The following MYO19 variants were observed in gnomAD, a reference collection of about 807,000 sequenced individuals.
MYO19 encodes the protein myosin XIX.
Under a neutral mutation model 129.2 loss-of-function variants are expected in MYO19, and 132 were observed. The observed-to-expected ratio is 1.02, with a 90% CI of 0.89 to 1.18. The LOEUF (loss-of-function observed/expected upper bound fraction) is 1.18, where lower values mean the gene tolerates loss of function less well. Ranked by LOEUF, MYO19 falls within the 50% of genes most tolerant of loss-of-function variation. The pLI is 0.00. For missense variants in MYO19, 1,210 were observed against 1,216.7 expected (o/e 0.99, Z 0.08); for synonymous variants, 531 against 477.2 (o/e 1.11, Z -1.47).
chr17:36,504,139 G>T, intron 19 of MYO19, 119 bp from the exon 20 acceptor site: 1 of 734,814 alleles, frequency 1.4e-6, no homozygotes, highest in Non-Finnish European at 2.1e-6. Context: ...GCTCTCCCAA[G>T]GCTTGGCTAA....
At chr17:36,516,780 C>T (rs1567766495) in intron 6 of MYO19, among the ~76,000 whole-genome samples, 1 of 152,250 alleles carries the variant, frequency 6.6e-6, no homozygotes, top group Non-Finnish European at 1.5e-5. Context: ...ACTGTCTTTA[C>T]ATATTGACCT....
chr17:36,501,313 TC>T (rs1469207187), intron 21 of MYO19, 78 bp from the exon 22 acceptor site: 14 of 1,427,446 alleles, frequency 9.8e-6, no homozygotes, highest in Admixed American at 2.1e-5. Flanking sequence ...GGCTTTGGCC[TC>T]CCTAGCACTC....
In MYO19 at chr17:36,507,407, T is replaced by C. The variant is rs777722571; in HGVS notation, c.1459A>G (p.Ile487Val). Residue 487 changes from isoleucine to valine, a missense_variant, in exon 16 of 26, where the codon ATA (isoleucine) becomes GTA (valine). Coordinates refer to ENST00000614623, the MANE Select transcript of MYO19 (RefSeq NM_001163735.2). ...EGSPISICSL[I>V]NEECRLNRPS... The stretch of plus-strand genomic sequence containing the variant: ...TTAGCTGACCTCCCCACCTCATTTA[T>C]GAGGGAGCAGATGCTGATGGGGCTT... 14 of 1,613,306 alleles carry C rather than the reference T, an allele frequency of 8.7e-6. No individual in the cohort carries two copies. The highest frequency in any genetic ancestry group is 2.2e-5 in the South Asian group (2 of 91,068).
upstream of MYO19, chr17:36,538,305 A>C: frequency 6.2e-7 from 1 of 1,613,550 alleles, no homozygotes; most frequent in African/African-American, 1.3e-5. Flanking sequence ...CAAATTTCTA[A>C]TTAAAGGAGC....
At chr17:36,498,130 G>T in intron 25 of MYO19, 136 bp downstream of exon 25, 1 of 883,236 alleles carries the variant, frequency 1.1e-6, no homozygotes, top group African/African-American at 1.7e-5. Flanking sequence ...ATTGGGACAT[G>T]CAGCCCTCTG....
upstream of MYO19, chr17:36,537,323 T>C (rs1161394776): frequency 8.1e-6 from 13 of 1,614,062 alleles, no homozygotes; most frequent in East Asian, 2.2e-5. Context: ...CTTTGACCAT[T>C]TGGGCTTCAT....
At chr17:36,537,669 T>C, upstream of MYO19, 1 of 1,614,150 alleles carries the variant, frequency 6.2e-7, no homozygotes, top group Non-Finnish European at 8.5e-7. Flanking sequence ...GAGGAGAAAA[T>C]ATATGGAAGG....
intron 3 of MYO19, among the ~76,000 whole-genome samples, chr17:36,531,120 C>T (rs2073809759): frequency 6.6e-6 from 1 of 151,386 alleles, no homozygotes; most frequent in Non-Finnish European, 1.5e-5. Context: ...GGAGGCTGGG[C>T]GCGGTGGCTC....
intron 6 of MYO19, 76 bp downstream of exon 6, chr17:36,525,152 G>C: frequency 9.3e-7 from 1 of 1,079,346 alleles, no homozygotes; most frequent in Non-Finnish European, 1.4e-6. Context: ...CCACAAGGAA[G>C]GCCAAGGAAT....
chr17:36,511,277 A>C (rs770865188), intron 12 of MYO19, 88 bp downstream of exon 12: 4 of 1,425,668 alleles, frequency 2.8e-6, no homozygotes, highest in Non-Finnish European at 3.9e-6. Context: ...TCAGATTCCA[A>C]TTTTCACCAT....
At position 36,495,915 on chromosome 17, in the gene MYO19, A is replaced by T. The variant is rs1006868975; in HGVS notation, c.*336T>A. 8.6e-7 allele frequency: 1 copy of T among 1,168,592 alleles called. No homozygotes were observed. Among genetic ancestry groups the T allele is most frequent in the South Asian group, 4.3e-5 (1 of 23,326 alleles). The allele number at this position is 1,168,592 out of a possible 1,614,324, so 72.4% of individuals were successfully genotyped here. A position where few individuals can be genotyped will look rare whatever the true frequency, so the allele number is the denominator to read the frequency against. The stretch of plus-strand genomic sequence containing the variant: ...GGCCAACTTTGGCTGTTTTCTTCCA[A>T]AAGTGCTTATGTGGAATTGGGATCC... On this transcript the variant is annotated 3_prime_UTR_variant, in exon 26 of 26. Coordinates refer to ENST00000614623, the MANE Select transcript of MYO19 (RefSeq NM_001163735.2).
intron 14 of MYO19, chr17:36,508,285 G>A (rs1267556658): frequency 3.9e-5 from 7 of 181,600 alleles, no homozygotes; most frequent in Non-Finnish European, 4.6e-5. Flanking sequence ...AATCTAGTTC[G>A]GAGGGCATTA....
rs752393309 is a variant in MYO19, at chr17:36,528,098, G to T, written c.117C>A (p.Asp39Glu). Residue 39 changes from aspartate to glutamate, a missense_variant, in exon 4 of 26, where the codon GAC (aspartate) becomes GAA (glutamate). Coordinates refer to ENST00000614623, the MANE Select transcript of MYO19 (RefSeq NM_001163735.2). ...GGEVLLYKLDDLTRVNPVTLE... is the reference protein window; with the variant it reads ...GGEVLLYKLDELTRVNPVTLE... ...GTGTCACAGGATTCACCCTGGTGAG[G>T]TCATCCAGTTTGTACAGCAGGACCT... The T allele has an allele frequency of 2.5e-6, 4 of 1,613,850 alleles. No individual in the cohort carries two copies. The highest frequency in any genetic ancestry group is 2.2e-5 in the South Asian group (2 of 91,078).
In MYO19 at chr17:36,509,353, A is replaced by T. The variant is rs914036895; in HGVS notation, c.1158-218T>A. On this transcript the variant is annotated intron_variant, in intron 13 of 25. Transcript: ENST00000614623. ...CATGCATGTTGCCAGGTACACACAA[A>T]CCTGGCATGTCCTTATGGGAAGACT... 6.7e-6 allele frequency: 4 copies of T among 593,876 alleles called. No individual in the cohort carries two copies. The African/African-American group carries it at 7.5e-5, about 11-fold the overall frequency. The allele number at this position is 593,876 out of a possible 1,614,324, so 36.8% of individuals were successfully genotyped here.
Position 36,503,990 on chromosome 17 carries a change from C to A in MYO19, c.1936G>T (p.Val646Leu), listed in dbSNP as rs568837708. The A allele has an allele frequency of 6.3e-7, 1 of 1,587,404 alleles. No homozygotes were observed. ...GCAGCACTGATATGGATGGTCTCCA[C>A]GAGGCCACAGGCCTCCAGCTGGCTC... ...VLSQLEACGLVETIHISAAGF... is the reference protein window; with the variant it reads ...VLSQLEACGLLETIHISAAGF... Residue 646 changes from valine (V) to leucine (L), a missense_variant, in exon 20 of 26, where the codon GTG becomes TTG. Coordinates refer to ENST00000614623, the MANE Select transcript of MYO19 (RefSeq NM_001163735.2).
chr17:36,506,635 T>C, intron 17 of MYO19, 27 bp from the exon 18 acceptor site: 2 of 1,513,216 alleles, frequency 1.3e-6, no homozygotes, highest in African/African-American at 1.4e-5. Flanking sequence ...AGAGCAGCAG[T>C]GAGGGCAGGT....
chr17:36,512,495 G>C (rs1372238726), intron 11 of MYO19, among the ~76,000 whole-genome samples: 6 of 152,088 alleles, frequency 3.9e-5, no homozygotes, highest in African/African-American at 1.4e-4. Flanking sequence ...TGTGCTACTG[G>C]TCTTCCGGCC....
intron 6 of MYO19, among the ~76,000 whole-genome samples, chr17:36,523,549 G>A (rs1421621172): frequency 1.3e-5 from 2 of 152,116 alleles, no homozygotes; most frequent in Non-Finnish European, 2.9e-5. Flanking sequence ...TTTTTCACTG[G>A]TTTAGTTTTT....
intron 3 of MYO19, among the ~76,000 whole-genome samples, chr17:36,531,029 G>T (rs2073803011): frequency 6.6e-6 from 1 of 152,042 alleles, no homozygotes; most frequent in African/African-American, 2.4e-5. Context: ...GAGGTCAGGA[G>T]TTTGAGACCA....
Sources: gnomAD v4.1 joint callset for allele counts (sites outside exome capture counted in the v4.1 genomes callset) on GRCh38, gnomAD v4.1.1 for gene constraint, MANE v1.5 for transcripts, NCBI Gene and HGNC (gene_info 2026-07-23, HGNC 2026-07-21) for gene names.